NUMB: variants seen among roughly 807,000 people sequenced by gnomAD.
NUMB encodes the protein NUMB endocytic adaptor protein, also known as protein numb homolog.
Under a neutral mutation model 59.7 loss-of-function variants are expected in NUMB, and 29 were observed. That is an observed-to-expected ratio of 0.49 (90% CI 0.36 to 0.66). The LOEUF is 0.66. NUMB is among the 30% of genes least tolerant of loss of function. The pLI, the probability that NUMB is intolerant of heterozygous loss-of-function variation, is 0.00. For synonymous variants in NUMB, 288 were observed against 288.2 expected, an observed-to-expected ratio of 1.00 and a Z score of 0.01; for missense variants, 723 against 822.0, an observed-to-expected ratio of 0.88 and a Z score of 1.47.
chr14:73,402,159 C>T (rs928393083), intron 2 of NUMB, among the ~76,000 whole-genome samples: 1 of 152,170 alleles, frequency 6.6e-6, no homozygotes, highest in Admixed American at 6.6e-5. Context: ...AGCCACTGCA[C>T]CTGGCTAAAA....
intron 1 of NUMB, among the ~76,000 whole-genome samples, chr14:73,448,114 A>G (rs567617961): frequency 1.9e-4 from 29 of 151,760 alleles, no homozygotes; most frequent in African/African-American, 7.0e-4. Flanking sequence ...TTTTCAATAT[A>G]GTATTTGGGA....
Position 73,277,073 on chromosome 14 carries a change from G to C in NUMB, c.1461C>G (p.Phe487Leu). The C allele has an allele frequency of 6.2e-7, 1 of 1,614,152 alleles. No homozygotes were observed. The highest frequency in any genetic ancestry group is 8.5e-7 in the Non-Finnish European group (1 of 1,180,044). ...QPASPFQGNAFLTSQPVPVGV... is the reference protein window; with the variant it reads ...QPASPFQGNALLTSQPVPVGV... Reference sequence around the variant, plus strand: ...CCACTGGCACAGGCTGAGAGGTGAGGAATGCATTCCCTTGGAAAGGTGATG... The same window carrying C: ...CCACTGGCACAGGCTGAGAGGTGAGCAATGCATTCCCTTGGAAAGGTGATG... Residue 487 changes from phenylalanine to leucine, a missense_variant, in exon 13 of 13, where the codon TTC (phenylalanine) becomes TTG (leucine). Physicochemically the swap from Phe to Leu is conservative, Grantham distance 22 (BLOSUM62 0). This residue lies in a region of NUMB where 406 missense variants were observed against 385.4 expected (regional missense o/e 1.05). Transcript: ENST00000555238.
intron 6 of NUMB, among the ~76,000 whole-genome samples, chr14:73,300,105 AAG>A (rs1302661219): frequency 6.6e-6 from 1 of 152,226 alleles, no homozygotes; most frequent in Non-Finnish European, 1.5e-5. Flanking sequence ...GAATTCTTAA[AAG>A]AGTGATATAC....
rs1205050412 is a variant in NUMB, at chr14:73,406,095, T to TTA, written c.-101+3841_-101+3842insTA. Among the ~76,000 whole-genome samples, 190 of 101,568 alleles carry TTA rather than the reference T, an allele frequency of 1.9e-3. 1 individual carries two copies. Among genetic ancestry groups the TTA allele is most frequent in the Admixed American group, 6.0e-3 (59 of 9,892 alleles). The allele number at this position is 101,568 out of a possible 152,430, so 66.6% of individuals were successfully genotyped here. A position where few individuals can be genotyped will look rare whatever the true frequency, so the allele number is the denominator to read the frequency against. ...CACAGAATATTAACATATTTTTGTT[T>TTA]TTTTTTTTTTTTATTATACTTTAAG... On this transcript the variant is annotated intron_variant, in intron 2 of 12. Coordinates refer to ENST00000555238, the MANE Select transcript of NUMB (RefSeq NM_001005743.2).
intron 1 of NUMB, among the ~76,000 whole-genome samples, chr14:73,452,584 G>A (rs1261035751): frequency 6.6e-6 from 1 of 152,184 alleles, no homozygotes; most frequent in Non-Finnish European, 1.5e-5. Flanking sequence ...CGTGGGTAGA[G>A]AGGGGGAAGT....
At position 73,350,060 on chromosome 14, in the gene NUMB, T is replaced by TATAC. The variant is rs199905122; in HGVS notation, c.126+5562_126+5565dup. Among the ~76,000 whole-genome samples the TATAC allele has an allele frequency of 2.2e-4, 31 of 143,080 alleles. No individual in the cohort carries two copies. In the East Asian group the frequency reaches 2.6e-3, roughly 12 times the overall value. The allele number at this position is 143,080 out of a possible 152,430, so 93.9% of individuals were successfully genotyped here. ...TCTGTCTCACATACATACATACATATATACATACATACATACATACACACA... is the reference window on the plus strand; with the variant it reads ...TCTGTCTCACATACATACATACATATATACATACATACATACATACATACACACA... On this transcript the variant is annotated intron_variant, in intron 4 of 12. Coordinates refer to ENST00000555238, the MANE Select transcript of NUMB (RefSeq NM_001005743.2).
At chr14:73,300,385 T>C (rs1194735921) in intron 6 of NUMB, among the ~76,000 whole-genome samples, 1 of 152,156 alleles carries the variant, frequency 6.6e-6, no homozygotes, top group African/African-American at 2.4e-5. Context: ...TGGAGAACCA[T>C]AAATTCATCT....
intron 2 of NUMB, among the ~76,000 whole-genome samples, chr14:73,367,348 T>TATATATAGAGAGAGAGAGAGAGAGAG (rs1555375287): frequency 3.8e-5 from 4 of 105,328 alleles, no homozygotes; most frequent in African/African-American, 5.0e-5. Flanking sequence ...TATATATATA[T>TATATATAGAGAGAGAGAGAGAGAGAG]AGAGAGAGAG....
intron 2 of NUMB, among the ~76,000 whole-genome samples, chr14:73,408,508 A>T (rs1896775496): frequency 6.6e-6 from 1 of 152,162 alleles, no homozygotes; most frequent in Non-Finnish European, 1.5e-5. Flanking sequence ...CCAAACTACA[A>T]ATCTTATTTT....
intron 2 of NUMB, among the ~76,000 whole-genome samples, chr14:73,375,991 G>A (rs1294453675): frequency 6.6e-6 from 1 of 152,126 alleles, no homozygotes; most frequent in African/African-American, 2.4e-5. Context: ...TTCCCATTAA[G>A]ATCAAGAACA....
intron 1 of NUMB, among the ~76,000 whole-genome samples, chr14:73,410,665 T>C (rs2140133489): frequency 6.6e-6 from 1 of 152,308 alleles, no homozygotes; most frequent in Middle Eastern, 3.4e-3. Flanking sequence ...AAAGTAACAG[T>C]AGATGGTAGC....
intron 2 of NUMB, among the ~76,000 whole-genome samples, chr14:73,387,185 C>CAGGT (rs1376693675): frequency 3.3e-5 from 5 of 152,056 alleles, no homozygotes; most frequent in Admixed American, 1.3e-4. Flanking sequence ...CCCGGCCTAT[C>CAGGT]AGGTGTCTTA....
chr14:73,397,962 TG>T (rs1257538572), intron 2 of NUMB, among the ~76,000 whole-genome samples: 1 of 152,180 alleles, frequency 6.6e-6, no homozygotes, highest in Admixed American at 6.6e-5. Context: ...GAGAAGTCTT[TG>T]AACTCTAGCC....
chr14:73,331,804 G>A (rs973813370), intron 4 of NUMB, among the ~76,000 whole-genome samples: 2 of 152,044 alleles, frequency 1.3e-5, no homozygotes, highest in African/African-American at 4.8e-5. Context: ...TTGTGAAGAG[G>A]TGCCTTCTGC....
chr14:73,449,948 A>G (rs1250660663), intron 1 of NUMB, among the ~76,000 whole-genome samples: 2 of 152,194 alleles, frequency 1.3e-5, no homozygotes, highest in Non-Finnish European at 2.9e-5. Context: ...TTGGCCTCCC[A>G]AAGTGCTGGG....
chr14:73,291,786 C>G (rs956683174), intron 8 of NUMB, among the ~76,000 whole-genome samples: 1 of 151,632 alleles, frequency 6.6e-6, no homozygotes, highest in Non-Finnish European at 1.5e-5. Flanking sequence ...TGGGTTCAAG[C>G]GATTCTTCTG....
chr14:73,393,817 G>T (rs189735452), intron 2 of NUMB, among the ~76,000 whole-genome samples: 1 of 152,222 alleles, frequency 6.6e-6, no homozygotes, highest in African/African-American at 2.4e-5. Context: ...TTTTTGCTGG[G>T]ATCTTTTCCC....
intron 2 of NUMB, among the ~76,000 whole-genome samples, chr14:73,372,307 A>ATATATATATATATATATATTTCTTT (rs1894720174): frequency 3.1e-5 from 2 of 64,064 alleles, no homozygotes; most frequent in South Asian, 6.1e-4. Context: ...TATTTCTTTT[A>ATATATATATATATATATATTTCTTT]TATATATATA....
chr14:73,301,785 A>C (rs1446214425), intron 6 of NUMB, among the ~76,000 whole-genome samples: 1 of 149,630 alleles, frequency 6.7e-6, no homozygotes, highest in Non-Finnish European at 1.5e-5. Flanking sequence ...TTATATGGTT[A>C]TAAAAACATG....
Sources: allele counts gnomAD v4.1 joint callset (sites outside exome capture counted in the v4.1 genomes callset), GRCh38; gene constraint gnomAD v4.1.1; regional missense constraint gnomAD v4.1.1; transcripts MANE v1.5; gene names NCBI Gene and HGNC (gene_info 2026-07-23, HGNC 2026-07-21).